Variants in ORC3 observed in about 807,000 individuals in gnomAD.
ORC3 encodes the protein homolog of latheo, Drosophila.
Under a neutral mutation model 100.7 loss-of-function variants are expected in ORC3, and 78 were observed. That is an observed-to-expected ratio of 0.77 (90% CI 0.65 to 0.94). The LOEUF is 0.94. Among genes scored for constraint, ORC3 ranks in the 40% least tolerant of loss-of-function variants. ORC3 has a pLI of 0.00. For missense variants in ORC3, 789 were observed against 823.9 expected (o/e 0.96, Z 0.52); for synonymous variants, 295 against 289.3 (o/e 1.02, Z -0.20).
intron 13 of ORC3, among the ~76,000 whole-genome samples, chr6:87,639,067 T>G (rs1042279134): frequency 1.3e-5 from 2 of 152,130 alleles, no homozygotes; most frequent in Non-Finnish European, 2.9e-5. Context: ...GAAGGTGTAT[T>G]TGAAACATAA....
intron 13 of ORC3, among the ~76,000 whole-genome samples, chr6:87,649,449 T>G (rs922262925): frequency 6.6e-6 from 1 of 152,228 alleles, no homozygotes; most frequent in Non-Finnish European, 1.5e-5. Context: ...GAATAATTTT[T>G]AGTTTTTAAA....
chr6:87,629,397 G>A (rs949179760), intron 11 of ORC3, among the ~76,000 whole-genome samples: 2 of 152,170 alleles, frequency 1.3e-5, no homozygotes, highest in Admixed American at 1.3e-4. Flanking sequence ...AAAGTGGTAA[G>A]TACTATGGAA....
chr6:87,628,911 A>G (rs1456184733), intron 11 of ORC3, among the ~76,000 whole-genome samples: 1 of 152,244 alleles, frequency 6.6e-6, no homozygotes, highest in Non-Finnish European at 1.5e-5. Context: ...CAGTCTATCA[A>G]ATGTGATCAA....
chr6:87,624,697 CT>C (rs532907952), intron 11 of ORC3, among the ~76,000 whole-genome samples: 110 of 151,946 alleles, frequency 7.2e-4, no homozygotes, highest in Middle Eastern at 3.4e-3. Flanking sequence ...CCTCAATTTT[CT>C]TTTTTTTAAT....
intron 18 of ORC3, among the ~76,000 whole-genome samples, chr6:87,665,088 G>A (rs907328345): frequency 6.6e-6 from 1 of 152,132 alleles, no homozygotes; most frequent in Admixed American, 6.5e-5. Context: ...CCTTAACCAA[G>A]CCAATTCTGT....
intron 1 of ORC3, among the ~76,000 whole-genome samples, chr6:87,591,755 CAG>C (rs1367022214): frequency 6.6e-6 from 1 of 151,870 alleles, no homozygotes; most frequent in Non-Finnish European, 1.5e-5. Flanking sequence ...TTTCTTGAGA[CAG>C]AGTCTTGCTC....
rs397935596 is a variant in ORC3, at chr6:87,602,954, A to AATAT, written c.178-416_178-413dup. On this transcript the variant is annotated intron_variant, in intron 3 of 19. Coordinates refer to ENST00000392844, the MANE Select transcript of ORC3 (RefSeq NM_012381.4). Reference sequence around the variant, plus strand: ...CGTTTATATATATATACACATATATAATATATATATATATATACATATATA... The same window carrying AATAT: ...CGTTTATATATATATACACATATATAATATATATATATATATATATACATATATA... 5.2e-4 allele frequency among the ~76,000 whole-genome samples: 50 copies of AATAT among 95,262 alleles called. 2 individuals carry two copies. Among genetic ancestry groups the AATAT allele is most frequent in the East Asian group, 2.1e-3 (7 of 3,360 alleles). The allele number at this position is 95,262 out of a possible 152,430, so 62.5% of individuals were successfully genotyped here.
chr6:87,633,788 T>C (rs1262268005), intron 11 of ORC3, among the ~76,000 whole-genome samples: 2 of 152,166 alleles, frequency 1.3e-5, no homozygotes, highest in Non-Finnish European at 1.5e-5. Context: ...TAAGAAAATG[T>C]TACAGAGTAA....
chr6:87,658,048 A>G, intron 16 of ORC3, 30 bp downstream of exon 16: 1 of 1,180,844 alleles, frequency 8.5e-7, no homozygotes. Flanking sequence ...TTAAGAGCTA[A>G]AAATCATGCT....
At chr6:87,624,199 T>A (rs913823822) in intron 11 of ORC3, among the ~76,000 whole-genome samples, 4 of 151,458 alleles carry the variant, frequency 2.6e-5, no homozygotes, top group African/African-American at 9.7e-5. Context: ...AATGAATGTT[T>A]TAGGCCAGGC....
At chr6:87,632,350 A>T (rs545744451) in intron 11 of ORC3, among the ~76,000 whole-genome samples, 1 of 152,320 alleles carries the variant, frequency 6.6e-6, no homozygotes, top group African/African-American at 2.4e-5. Context: ...TTATGTGGAG[A>T]TTAGGTTCTA....
At chr6:87,594,696 G>GT (rs1562313888) in intron 2 of ORC3, 4 of 383,386 alleles carry the variant, frequency 1.0e-5, no homozygotes, top group Admixed American at 5.6e-5. Context: ...CTCTGCCATT[G>GT]TTTTTTTATC....
chr6:87,676,434 C>A, the ORC3 span, among the ~76,000 whole-genome samples: 1 of 116,058 alleles, frequency 8.6e-6, no homozygotes, highest in Non-Finnish European at 1.7e-5. Flanking sequence ...CCACTGCACT[C>A]CAGCCTGGGC....
At chr6:87,602,911 A>ATG (rs1778019716) in intron 3 of ORC3, among the ~76,000 whole-genome samples, 1 of 64,738 alleles carries the variant, frequency 1.5e-5, no homozygotes, top group South Asian at 5.3e-4. Context: ...TATATTATAT[A>ATG]TTATATATAT....
chr6:87,590,159 C>T lies in ORC3; in HGVS notation c.-10C>T, dbSNP rs776845912. The T allele has an allele frequency of 2.5e-6, 4 of 1,613,964 alleles. No individual in the cohort carries two copies. Among genetic ancestry groups the T allele is most frequent in the Non-Finnish European group, 3.4e-6 (4 of 1,179,902 alleles). On this transcript the variant is annotated 5_prime_UTR_variant, in exon 1 of 20. Coordinates refer to ENST00000392844, the MANE Select transcript of ORC3 (RefSeq NM_012381.4). ...CGAGTGCATCTGGAATACGCAGAGT[C>T]AGTAAGACCATGGCTACGTCCTCGA...
At chr6:87,631,511 G>C (rs1767406066) in intron 11 of ORC3, among the ~76,000 whole-genome samples, 2 of 151,478 alleles carry the variant, frequency 1.3e-5, no homozygotes, top group South Asian at 4.2e-4. Context: ...ATTTTTTTTT[G>C]AGATGGAATC....
rs1779567813 is a variant in ORC3 at position 87,621,982 on chromosome 6, T to C, written c.1154T>C (p.Val385Ala). The stretch of plus-strand genomic sequence containing the variant: ...GAAAAGCAAGCTTCAGAAAAGCAAG[T>C]TGCGCTCTTGACCAATGAGAGATAT... ...YVEKQASEKQ[V>A]ALLTNERYLK... is the part of the protein sequence containing the mutation. Residue 385 changes from valine (V) to alanine (A), a missense_variant, in exon 11 of 20, where the codon GTT (valine) becomes GCT (alanine). Val to Ala is a moderately conservative substitution (Grantham distance 64). This residue lies in a region of ORC3 where 366 missense variants were observed against 394.2 expected (regional missense o/e 0.93). Coordinates refer to ENST00000392844, the MANE Select transcript of ORC3 (RefSeq NM_012381.4). 2 of 1,609,426 alleles carry C rather than the reference T, an allele frequency of 1.2e-6. No individual in the cohort carries two copies. Among genetic ancestry groups the C allele is most frequent in the Non-Finnish European group, 8.5e-7 (1 of 1,176,906 alleles).
At position 87,667,031 on chromosome 6, in the gene ORC3, A is replaced by G; in HGVS notation, c.2044A>G (p.Arg682Gly). The G allele has an allele frequency of 6.2e-7, 1 of 1,608,922 alleles. No homozygotes were observed. Among genetic ancestry groups the G allele is most frequent in the Non-Finnish European group, 8.5e-7 (1 of 1,177,244 alleles). The change falls in exon 20 of 20, where the codon AGA becomes GGA. Residue 682 changes from arginine to glycine, a missense_variant. This residue lies in a region of ORC3 where 366 missense variants were observed against 394.2 expected (regional missense o/e 0.93). Transcript: ENST00000392844. The stretch of plus-strand genomic sequence containing the variant: ...TAAAGCCTCCAGTGCTCGGTTTATT[A>G]GAGCTGTTTCTGAACTAGAACTTTT... ...MNEIIHARFI[R>G]AVSELELLGF...
At chr6:87,649,017 T>C (rs578225640) in intron 13 of ORC3, among the ~76,000 whole-genome samples, 2 of 152,370 alleles carry the variant, frequency 1.3e-5, no homozygotes, top group South Asian at 4.1e-4. Context: ...CCTACACTTT[T>C]GCTGCTGCTG....
Sources: allele counts gnomAD v4.1 joint callset (sites outside exome capture counted in the v4.1 genomes callset), GRCh38; gene constraint gnomAD v4.1.1; regional missense constraint gnomAD v4.1.1; transcripts MANE v1.5; gene names NCBI Gene and HGNC (gene_info 2026-07-23, HGNC 2026-07-21).